BSG: variants seen among roughly 807,000 people sequenced by gnomAD.
The protein encoded by BSG is basigin (Ok blood group), also known as basigin.
BSG carries 37 observed loss-of-function variants against 43.1 expected under a neutral mutation model. That is an observed-to-expected ratio of 0.86 (90% CI 0.66 to 1.13). The LOEUF (loss-of-function observed/expected upper bound fraction) is 1.13, where lower values mean the gene tolerates loss of function less well. BSG is among the 50% of genes most tolerant of loss of function. BSG has a pLI of 0.00. For missense variants in BSG, 599 were observed against 554.2 expected, an observed-to-expected ratio of 1.08 and a Z score of -0.81; for synonymous variants, 309 against 238.7, an observed-to-expected ratio of 1.29 and a Z score of -2.72.
rs185250119 is a variant in BSG, at chr19:580,057, G to A, written c.573-322G>A. 210 of 417,996 alleles carry A rather than the reference G, an allele frequency of 5.0e-4. 3 individuals carry two copies. The East Asian group carries it at 6.9e-3, about 14-fold the overall frequency. 25.9% of individuals were successfully genotyped at this position (417,996 alleles called of 1,614,324 possible). A position where few individuals can be genotyped will look rare whatever the true frequency, so the allele number is the denominator to read the frequency against. ...GCTTTGTCATAACTGGGGCTGGGAC[G>A]GCCCTGGGAGCACAGAGCCTTTTGT... On this transcript the variant is annotated intron_variant, in intron 3 of 8. Transcript: ENST00000333511.
At chr19:579,305 T>G in intron 2 of BSG, 195 bp from the exon 3 acceptor site, 1 of 776,044 alleles carries the variant, frequency 1.3e-6, no homozygotes, top group Non-Finnish European at 2.2e-6. Context: ...CAGCAGGCGC[T>G]GGGCTCTTCC....
chr19:571,297 C>G (rs541611995), upstream of BSG: 643 of 582,866 alleles, frequency 1.1e-3, 6 homozygotes, highest in Non-Finnish European at 2.2e-4. Flanking sequence ...TAGCCACATT[C>G]CTGCCCCTTT....
chr19:579,369 A>G (rs529401576), intron 2 of BSG, 131 bp from the exon 3 acceptor site: 2 of 1,283,170 alleles, frequency 1.6e-6, no homozygotes, highest in East Asian at 5.0e-5. Flanking sequence ...CTCGGGGCGT[A>G]AGGGCCACGG....
intron 6 of BSG, among the ~76,000 whole-genome samples, chr19:581,947 C>T (rs1055916755): frequency 1.1e-4 from 17 of 152,378 alleles, no homozygotes; most frequent in Non-Finnish European, 2.4e-4. Context: ...TGTGCTCCGG[C>T]AGCCCCTGCC....
At position 580,360 on chromosome 19, in the gene BSG, C is replaced by A; in HGVS notation, c.573-19C>A. ...CCTGCAGAGCTGGTACGCGGCTCAC[C>A]TGCCTGCTGTGGTTGCAGGGTGGAC... On this transcript the variant is annotated intron_variant, in intron 3 of 8. Coordinates refer to ENST00000333511, the MANE Select transcript of BSG (RefSeq NM_001728.4). 1 of 1,608,656 alleles carries A rather than the reference C, an allele frequency of 6.2e-7. No homozygotes were observed. The highest frequency in any genetic ancestry group is 8.5e-7 in the Non-Finnish European group (1 of 1,179,108).
chr19:577,460 GCAGCCCTCGGGGCT>G (rs1411076622), intron 1 of BSG, among the ~76,000 whole-genome samples: 1 of 152,222 alleles, frequency 6.6e-6, no homozygotes, highest in East Asian at 1.9e-4. Context: ...TGAGCTCTGG[GCAGCCCTCGGGGCT>G]CAGGACTCCT....
Position 578,030 on chromosome 19 carries a change from C to A in BSG, c.324C>A (p.Cys108Ter), listed in dbSNP as rs1255141738. ...LVEEDTGTYE[C>*]RASNDPDRNH... ...AGGAGGACACGGGCACTTACGAGTG[C>A]CGGGCCAGCAACGACCCGGATCGCA... is the stretch of plus-strand genomic sequence containing the variant. The change falls in exon 2 of 9, where the codon TGC becomes TGA. Residue 108 changes from cysteine (C) to a stop codon, truncating the protein, a stop_gained. Transcript: ENST00000333511. LOFTEE classifies it high-confidence loss of function. 5 of 1,611,624 alleles carry A rather than the reference C, an allele frequency of 3.1e-6. No individual in the cohort carries two copies. In the African/African-American group the frequency reaches 6.7e-5, roughly 22 times the overall value.
At chr19:575,605 T>A (rs1024200754) in intron 1 of BSG, among the ~76,000 whole-genome samples, 1 of 2,114 alleles carries the variant, frequency 4.7e-4, no homozygotes. Context: ...AGCACTGGGG[T>A]GGGTGGGGAG....
chr19:579,672 C>T lies in BSG; in HGVS notation c.572+16C>T, dbSNP rs749753413. The T allele has an allele frequency of 1.0e-5, 16 of 1,589,510 alleles. No individual in the cohort carries two copies. The East Asian group carries it at 1.1e-4, about 11-fold the overall frequency. ...CGGAGTTCAAGTGAGTGCCTGACCA[C>T]GCCATGCCGCCACCTGCCCCTTCTC... On this transcript the variant is annotated intron_variant, in intron 3 of 8. Transcript: ENST00000333511.
At chr19:572,526 T>G (rs551644758), upstream of BSG, 41 of 1,253,738 alleles carry the variant, frequency 3.3e-5, no homozygotes, top group South Asian at 1.0e-3. Context: ...GCCCCCGAGA[T>G]GACGCCGTGC....
At chr19:571,484 T>C (rs1199202163), upstream of BSG, 1 of 777,472 alleles carries the variant, frequency 1.3e-6, no homozygotes, top group Non-Finnish European at 2.4e-6. Context: ...CCCGCGTTGC[T>C]GAGAGTCTGG....
chr19:576,403 G>A (rs541302606), intron 1 of BSG, among the ~76,000 whole-genome samples: 1 of 152,354 alleles, frequency 6.6e-6, no homozygotes, highest in South Asian at 2.1e-4. Context: ...AGCTGCCAGT[G>A]TTGCAGTCTG....
chr19:578,150 TC>T, intron 2 of BSG, 29 bp downstream of exon 2: 1 of 1,488,632 alleles, frequency 6.7e-7, no homozygotes, highest in Non-Finnish European at 9.0e-7. Flanking sequence ...CCTCCCCGCC[TC>T]CCTCAGTTTC....
At position 580,779 on chromosome 19, in the gene BSG, C is replaced by T; in HGVS notation, c.789C>T (p.Asp263=). ...GGTACAAGATCACTGACTCTGAGGA[C>T]AAGGTGAGAAGCCAAGGAGGCTGGG... ...WAWYKITDSE[D]KALMNGSESR... is the part of the protein sequence containing the mutation. Residue 263 remains aspartate (D), a synonymous_variant, in exon 5 of 9, where the codon GAC becomes GAT. Transcript: ENST00000333511. The T allele has an allele frequency of 1.2e-6, 2 of 1,612,792 alleles. No homozygotes were observed. The highest frequency in any genetic ancestry group is 1.7e-4 in the Middle Eastern group (1 of 6,060).
chr19:582,267 CCT>C, intron 6 of BSG, 37 bp from the exon 7 acceptor site: 1 of 1,604,596 alleles, frequency 6.2e-7, no homozygotes, highest in African/African-American at 1.3e-5. Flanking sequence ...GACAGGCTGT[CCT>C]CTCGTCCTCT....
chr19:575,938 C>T (rs990952004), intron 1 of BSG, among the ~76,000 whole-genome samples: 32 of 152,206 alleles, frequency 2.1e-4, no homozygotes, highest in African/African-American at 7.0e-4. Flanking sequence ...CTTTCTCTTC[C>T]GGACGCCCCC....
At chr19:576,420 C>T (rs1981775386) in intron 1 of BSG, among the ~76,000 whole-genome samples, 1 of 152,206 alleles carries the variant, frequency 6.6e-6, no homozygotes, top group African/African-American at 2.4e-5. Flanking sequence ...TCTGGGAAAT[C>T]TTAACTCCCA....
intron 1 of BSG, among the ~76,000 whole-genome samples, chr19:576,633 C>A (rs551143735): frequency 6.6e-6 from 1 of 152,084 alleles, no homozygotes; most frequent in Non-Finnish European, 1.5e-5. Flanking sequence ...TGGTGGCAGG[C>A]ACCTGTAATC....
At chr19:577,723 C>T (rs1981895065) in intron 1 of BSG, 51 bp from the exon 2 acceptor site, 2 of 1,322,340 alleles carry the variant, frequency 1.5e-6, no homozygotes, top group Non-Finnish European at 9.7e-7. Flanking sequence ...AGGAGCTGCC[C>T]TCCCAAGTGC....
Sources: allele counts gnomAD v4.1 joint callset (sites outside exome capture counted in the v4.1 genomes callset), GRCh38; gene constraint gnomAD v4.1.1; transcripts MANE v1.5; gene names NCBI Gene and HGNC (gene_info 2026-07-23, HGNC 2026-07-21).